The following DNAH17 variants were observed in gnomAD, a reference collection of about 807,000 sequenced individuals.
The protein encoded by DNAH17 is dynein axonemal heavy chain 17.
In DNAH17, 376 loss-of-function variants were observed where a neutral mutation model predicts 485.6. The observed-to-expected ratio is 0.77, with a 90% CI of 0.71 to 0.84. The LOEUF (loss-of-function observed/expected upper bound fraction) is 0.84. Among genes scored for constraint, DNAH17 ranks in the 40% least tolerant of loss-of-function variants. The pLI is 0.00. For missense variants in DNAH17, 6,370 were observed against 5,839.3 expected (o/e 1.09, Z -2.96); for synonymous variants, 3,031 against 2,405.9 (o/e 1.26, Z -7.60).
chr17:78,534,430 G>A (rs2091320767), intron 19 of DNAH17, among the ~76,000 whole-genome samples: 1 of 152,248 alleles, frequency 6.6e-6, no homozygotes, highest in Non-Finnish European at 1.5e-5. Flanking sequence ...ATGGAAAGAA[G>A]CCACAGGGGA....
chr17:78,506,716 C>T lies in DNAH17; in HGVS notation c.4803+4G>A. 1 of 1,613,894 alleles carries T rather than the reference C, an allele frequency of 6.2e-7. No individual in the cohort carries two copies. Among genetic ancestry groups the T allele is most frequent in the Non-Finnish European group, 8.5e-7 (1 of 1,179,874 alleles). On this transcript the variant is annotated splice_donor_region_variant and intron_variant, in intron 30 of 80. Transcript: ENST00000389840. ...AACACCGGAATGCAAGGGGCCCCGC[C>T]TACCTCCACGGGGTCATTGCCATTG...
At chr17:78,496,901 T>G (rs1221123839) in intron 37 of DNAH17, 1 of 151,906 alleles carries the variant, frequency 6.6e-6, no homozygotes, top group Non-Finnish European at 1.5e-5. Flanking sequence ...CTCGATCTCC[T>G]GACCTCGTGA....
At chr17:78,458,083 C>T (rs1402939679) in intron 62 of DNAH17, among the ~76,000 whole-genome samples, 3 of 152,238 alleles carry the variant, frequency 2.0e-5, no homozygotes, top group Admixed American at 1.3e-4. Flanking sequence ...GGATTACAGG[C>T]GTGAGCCACT....
chr17:78,524,521 GA>G (rs2091013181), intron 25 of DNAH17, among the ~76,000 whole-genome samples: 1 of 152,160 alleles, frequency 6.6e-6, no homozygotes, highest in Admixed American at 6.5e-5. Flanking sequence ...GATGCAGTGA[GA>G]GGGGACTGTC....
At chr17:78,571,540 T>C (rs745380730) in intron 4 of DNAH17, 50 bp downstream of exon 4, 15 of 1,601,584 alleles carry the variant, frequency 9.4e-6, no homozygotes, top group Middle Eastern at 1.7e-4. Flanking sequence ...CTCGGCCCGG[T>C]CGCCCAGCTG....
intron 26 of DNAH17, among the ~76,000 whole-genome samples, chr17:78,513,669 C>T (rs2090697958): frequency 6.6e-6 from 1 of 152,212 alleles, no homozygotes; most frequent in Admixed American, 6.5e-5. Flanking sequence ...CTCCTGGCCT[C>T]AAGTGATCCA....
At chr17:78,497,609 A>G (rs561369954) in intron 37 of DNAH17, among the ~76,000 whole-genome samples, 1 of 152,348 alleles carries the variant, frequency 6.6e-6, no homozygotes, top group South Asian at 2.1e-4. Context: ...CCCCACGGTA[A>G]CAGCCAGCAC....
At chr17:78,459,342 G>C in intron 60 of DNAH17, 134 bp from the exon 61 acceptor site, 1 of 832,002 alleles carries the variant, frequency 1.2e-6, no homozygotes. Flanking sequence ...AGTCAGGCTG[G>C]CCCTAGAGGC....
In DNAH17 at chr17:78,466,787, G is replaced by A. The variant is rs541164139; in HGVS notation, c.8808C>T (p.Ser2936=). Residue 2936 remains serine, a synonymous_variant, in exon 56 of 81, where the codon TCC becomes TCT. Transcript: ENST00000389840. ...ACTTTCTGGCTCGTACCCGCAGCAC[G>A]GAGCCCACAGGGGAGAAACACAGGA... The part of the protein sequence containing the change: ...KVILCFSPVG[S]VLRVRARKFP... The A allele has an allele frequency of 7.5e-6, 12 of 1,599,666 alleles. No individual in the cohort carries two copies. Among genetic ancestry groups the A allele is most frequent in the East Asian group, 6.9e-5 (3 of 43,654 alleles).
At chr17:78,432,687 T>C (rs1021974675) in intron 75 of DNAH17, among the ~76,000 whole-genome samples, 5 of 152,298 alleles carry the variant, frequency 3.3e-5, no homozygotes, top group African/African-American at 9.6e-5. Context: ...GGAGCACGTG[T>C]GCCGTGCATG....
intron 17 of DNAH17, among the ~76,000 whole-genome samples, chr17:78,543,331 C>G (rs554610683): frequency 6.7e-6 from 1 of 150,120 alleles, no homozygotes; most frequent in Non-Finnish European, 1.5e-5. Context: ...TCGCCCAAGC[C>G]GGACTGCGGA....
At chr17:78,464,420 C>T (rs192143479) in intron 56 of DNAH17, among the ~76,000 whole-genome samples, 7 of 152,298 alleles carry the variant, frequency 4.6e-5, no homozygotes, top group South Asian at 2.1e-4. Flanking sequence ...CCACCACACC[C>T]GGCTAATTTT....
chr17:78,508,755 G>T (rs976220703), intron 27 of DNAH17, among the ~76,000 whole-genome samples: 5 of 151,500 alleles, frequency 3.3e-5, no homozygotes, highest in Non-Finnish European at 7.4e-5. Context: ...TCTTTTTGAG[G>T]TGATGAAAAT....
chr17:78,502,129 CA>C, intron 33 of DNAH17: 1 of 511,538 alleles, frequency 2.0e-6, no homozygotes, highest in Non-Finnish European at 3.5e-6. Context: ...GGATGAGAAG[CA>C]AAAACAGCTG....
intron 25 of DNAH17, among the ~76,000 whole-genome samples, chr17:78,518,798 G>C (rs1309356213): frequency 6.6e-6 from 1 of 152,162 alleles, no homozygotes; most frequent in Non-Finnish European, 1.5e-5. Context: ...TATATACAGT[G>C]TGTTCTTTGA....
intron 73 of DNAH17, among the ~76,000 whole-genome samples, chr17:78,438,184 CTCT>C (rs2086914736): frequency 6.6e-6 from 1 of 151,688 alleles, no homozygotes; most frequent in African/African-American, 2.4e-5. Context: ...CCCACCCCTC[CTCT>C]TGAAGCTGAG....
chr17:78,452,532 G>T (rs1429224969), intron 65 of DNAH17, among the ~76,000 whole-genome samples: 1 of 152,204 alleles, frequency 6.6e-6, no homozygotes, highest in East Asian at 1.9e-4. Context: ...GAGGTCAGGA[G>T]TTCGAGATCA....
Position 78,459,164 on chromosome 17 carries a change from G to T in DNAH17, c.9698C>A (p.Ser3233Tyr). Reference protein sequence around the residue: ...NPTFDPEFIRSKSTAAAGLCS... With the variant: ...NPTFDPEFIRYKSTAAAGLCS... ...CAGGCCGGCGGCGGCCGTGGACTTG[G>T]AGCGGATGAACTCGGGGTCGAACGT... The change falls in exon 61 of 81, where the codon TCC becomes TAC. Residue 3233 changes from serine (S) to tyrosine (Y), a missense_variant. Coordinates refer to ENST00000389840, the MANE Select transcript of DNAH17 (RefSeq NM_173628.4). The T allele has an allele frequency of 1.2e-6, 2 of 1,613,980 alleles. No homozygotes were observed. Among genetic ancestry groups the T allele is most frequent in the Non-Finnish European group, 1.7e-6 (2 of 1,179,894 alleles).
intron 48 of DNAH17, among the ~76,000 whole-genome samples, chr17:78,483,940 T>C (rs1003952408): frequency 4.6e-5 from 7 of 151,160 alleles, no homozygotes; most frequent in Admixed American, 2.0e-4. Flanking sequence ...CTACTAAAAG[T>C]ACAAAAATTA....
Sources: allele counts gnomAD v4.1 joint callset (sites outside exome capture counted in the v4.1 genomes callset), GRCh38; gene constraint gnomAD v4.1.1; transcripts MANE v1.5; gene names NCBI Gene and HGNC (gene_info 2026-07-23, HGNC 2026-07-21).